Variants in ALK observed in about 807,000 individuals in gnomAD.
ALK encodes the protein ALK tyrosine kinase receptor.
In ALK, 74 loss-of-function variants were observed where a neutral mutation model predicts 163.1. The observed-to-expected ratio is 0.45, with a 90% CI of 0.38 to 0.55. The LOEUF (loss-of-function observed/expected upper bound fraction) is 0.55, where lower values mean the gene tolerates loss of function less well. ALK is among the 20% of genes least tolerant of loss of function. ALK has a pLI of 0.00. For synonymous variants in ALK, 960 were observed against 843.2 expected (o/e 1.14, Z -2.40); for missense variants, 2,063 against 2,105.3 (o/e 0.98, Z 0.39).
chr2:29,608,221 C>G (rs1675594165), intron 3 of ALK, among the ~76,000 whole-genome samples: 1 of 152,184 alleles, frequency 6.6e-6, no homozygotes, highest in Non-Finnish European at 1.5e-5. Flanking sequence ...CTTCCTACCA[C>G]CTATTACCAT....
At chr2:29,306,941 T>A (rs573770043) in intron 8 of ALK, among the ~76,000 whole-genome samples, 25 of 152,366 alleles carry the variant, frequency 1.6e-4, no homozygotes, top group African/African-American at 6.0e-4. Context: ...AGGGCCATTT[T>A]TTCCTGCCTC....
chr2:29,680,235 C>G (rs1391080693), intron 3 of ALK, among the ~76,000 whole-genome samples: 1 of 151,872 alleles, frequency 6.6e-6, no homozygotes, highest in Non-Finnish European at 1.5e-5. Context: ...CCAAATTTGG[C>G]AAGTTTTAGG....
chr2:29,243,867 C>T (rs947924320), intron 12 of ALK, among the ~76,000 whole-genome samples: 2 of 152,236 alleles, frequency 1.3e-5, no homozygotes, highest in East Asian at 1.9e-4. Flanking sequence ...CTGGAAATTA[C>T]AAGATACTGC....
chr2:29,552,326 G>C (rs1213342343), intron 3 of ALK, among the ~76,000 whole-genome samples: 2 of 152,126 alleles, frequency 1.3e-5, no homozygotes, highest in African/African-American at 4.8e-5. Flanking sequence ...GTACAAGTAT[G>C]TTTGAGTCTC....
At position 29,197,577 on chromosome 2, in the gene ALK, G is replaced by T. The variant is rs1669055383; in HGVS notation, c.4038C>A (p.Gly1346=). ...GGCAGTTCTTGGGTGGGTCCATCCG[G>T]CCTCCACTGGTGACAAACTCCAGAA... is the stretch of plus-strand genomic sequence containing the variant. The part of the protein sequence containing the change: ...QEVLEFVTSG[G]RMDPPKNCPG... Residue 1346 remains glycine (G), a synonymous_variant, in exon 27 of 29, where the codon GGC becomes GGA. Coordinates refer to ENST00000389048, the MANE Select transcript of ALK (RefSeq NM_004304.5). 1 of 1,613,726 alleles carries T rather than the reference G, an allele frequency of 6.2e-7. No homozygotes were observed. The highest frequency in any genetic ancestry group is 2.2e-5 in the East Asian group (1 of 44,882).
chr2:29,422,865 C>T (rs1015102631), intron 4 of ALK, among the ~76,000 whole-genome samples: 2 of 151,302 alleles, frequency 1.3e-5, no homozygotes, highest in Non-Finnish European at 2.9e-5. Context: ...AGGAACAGTG[C>T]CTGAGTCTAT....
intron 3 of ALK, among the ~76,000 whole-genome samples, chr2:29,550,107 T>C (rs1191504594): frequency 6.6e-6 from 1 of 152,206 alleles, no homozygotes; most frequent in South Asian, 2.1e-4. Flanking sequence ...AGTAAACTAG[T>C]GTATGACGAT....
At chr2:29,404,584 T>C (rs566751900) in intron 4 of ALK, among the ~76,000 whole-genome samples, 1 of 152,172 alleles carries the variant, frequency 6.6e-6, no homozygotes, top group African/African-American at 2.4e-5. Context: ...TAGTATGAAA[T>C]AAAAAGCAAA....
intron 1 of ALK, among the ~76,000 whole-genome samples, chr2:29,879,350 A>T (rs187073091): frequency 3.9e-5 from 6 of 152,374 alleles, no homozygotes; most frequent in African/African-American, 1.4e-4. Context: ...GCAACTATGC[A>T]TGCAGCAACA....
At chr2:29,495,833 G>A (rs894643340) in intron 4 of ALK, among the ~76,000 whole-genome samples, 6 of 152,176 alleles carry the variant, frequency 3.9e-5, no homozygotes, top group African/African-American at 1.4e-4. Flanking sequence ...CTGTCAGGAG[G>A]TTTCAGTGTA....
At chr2:29,318,636 G>A (rs933924866) in intron 7 of ALK, among the ~76,000 whole-genome samples, 9 of 150,442 alleles carry the variant, frequency 6.0e-5, no homozygotes, top group African/African-American at 2.2e-4. Flanking sequence ...GCGCGATCTT[G>A]GCTCACTGCA....
intron 3 of ALK, among the ~76,000 whole-genome samples, chr2:29,611,788 AC>A (rs1675698707): frequency 6.6e-6 from 1 of 152,134 alleles, no homozygotes; most frequent in Non-Finnish European, 1.5e-5. Context: ...GTCTCCTGCC[AC>A]AGGTGTTTGC....
intron 3 of ALK, among the ~76,000 whole-genome samples, chr2:29,598,596 T>C (rs929401296): frequency 6.6e-6 from 1 of 152,196 alleles, no homozygotes. Context: ...CTGGTTTTAA[T>C]AGTACATGAC....
intron 5 of ALK, among the ~76,000 whole-genome samples, chr2:29,350,327 C>G (rs13027395): frequency 0.35 from 53,883 of 152,166 alleles, 9,849 homozygotes; most frequent in South Asian, 0.52. Flanking sequence ...CTGCATGCTG[C>G]ATGAGAATAG....
chr2:29,197,410 G>A (rs779788490), intron 27 of ALK, 132 bp downstream of exon 27: 19 of 1,352,708 alleles, frequency 1.4e-5, no homozygotes, highest in Admixed American at 8.8e-5. Flanking sequence ...AGTCACATTC[G>A]CATCTTGGGG....
chr2:29,427,526 A>G (rs1558319444), intron 4 of ALK, among the ~76,000 whole-genome samples: 2 of 152,236 alleles, frequency 1.3e-5, no homozygotes, highest in East Asian at 3.9e-4. Flanking sequence ...GCCCTAGAGA[A>G]ACTACTAAGA....
intron 4 of ALK, among the ~76,000 whole-genome samples, chr2:29,520,305 A>C (rs1225691585): frequency 6.6e-6 from 1 of 152,248 alleles, no homozygotes; most frequent in Non-Finnish European, 1.5e-5. Context: ...GGTCAAGAGC[A>C]TTATAGATGC....
chr2:29,828,099 A>G (rs1665252179), intron 1 of ALK, among the ~76,000 whole-genome samples: 1 of 152,220 alleles, frequency 6.6e-6, no homozygotes, highest in Non-Finnish European at 1.5e-5. Flanking sequence ...AGTGCTGGGA[A>G]AACTGGCTAG....
At chr2:29,634,795 C>T (rs1333781939) in intron 3 of ALK, among the ~76,000 whole-genome samples, 1 of 152,046 alleles carries the variant, frequency 6.6e-6, no homozygotes, top group Non-Finnish European at 1.5e-5. Context: ...ACATAAATAA[C>T]AAACAAAGAA....
Sources: gnomAD v4.1 joint callset for allele counts (sites outside exome capture counted in the v4.1 genomes callset) on GRCh38, gnomAD v4.1.1 for gene constraint, MANE v1.5 for transcripts, NCBI Gene and HGNC (gene_info 2026-07-23, HGNC 2026-07-21) for gene names.